CEMIP: variants seen among roughly 807,000 people sequenced by gnomAD.
CEMIP encodes the protein cell migration inducing hyaluronidase 1.
Under a neutral mutation model 156.9 loss-of-function variants are expected in CEMIP, and 105 were observed. The observed-to-expected ratio is 0.67, with a 90% CI of 0.57 to 0.79. The LOEUF (loss-of-function observed/expected upper bound fraction) is 0.79, where lower values mean the gene tolerates loss of function less well. Ranked by LOEUF, CEMIP falls within the 30% of genes least tolerant of loss-of-function variation. The pLI is 0.00. For synonymous variants in CEMIP, 676 were observed against 668.4 expected, an observed-to-expected ratio of 1.01 and a Z score of -0.17; for missense variants, 1,457 against 1,769.4, an observed-to-expected ratio of 0.82 and a Z score of 3.17.
At chr15:80,812,151 T>C (rs1308711530) in intron 1 of CEMIP, among the ~76,000 whole-genome samples, 2 of 152,154 alleles carry the variant, frequency 1.3e-5, no homozygotes, top group African/African-American at 2.4e-5. Context: ...GTAGCTGGGA[T>C]TACAGGCGCA....
rs139465017 is a variant in CEMIP, at chr15:80,822,934, C to T, written c.-176+43320C>T. On this transcript the variant is annotated intron_variant, in intron 1 of 29. Transcript: ENST00000394685. ...GAGCCAAATTTGAGAAACAGTCAAA[C>T]GAAGTGAGAACATGGGGCTGGGAGT... 1.7e-3 allele frequency among the ~76,000 whole-genome samples: 261 copies of T among 152,198 alleles called. 1 individual carries two copies. Among genetic ancestry groups the T allele is most frequent in the Non-Finnish European group, 3.1e-3 (209 of 68,022 alleles).
rs1483993112 is a variant in CEMIP, at chr15:80,947,049, G to C, written c.3942G>C (p.Arg1314Ser). The C allele has an allele frequency of 1.2e-6, 2 of 1,613,274 alleles. No homozygotes were observed. The highest frequency in any genetic ancestry group is 1.7e-5 in the Admixed American group (1 of 60,028). ...TRVLEKLGAD[R>S]GLKLKEQMAF... ...TGCTGGAAAAGCTTGGGGCAGACAG[G>C]GGTCTCAAGTTGAAAGGTAAGGGTT... is the stretch of plus-strand genomic sequence containing the variant. The change falls in exon 29 of 30, where the codon AGG (arginine) becomes AGC (serine). Residue 1314 changes from arginine (R) to serine (S), a missense_variant. Arg to Ser is a moderately radical substitution (Grantham distance 110). Around this residue, in one of 5 missense-constraint regions of CEMIP, gnomAD observed 798 missense variants for 980.1 expected, o/e 0.81. Coordinates refer to ENST00000394685, the MANE Select transcript of CEMIP (RefSeq NM_001293298.2).
At chr15:80,850,935 T>C (rs185484694) in intron 1 of CEMIP, among the ~76,000 whole-genome samples, 7 of 152,220 alleles carry the variant, frequency 4.6e-5, no homozygotes. Flanking sequence ...AGGGCTCCAG[T>C]GCCAACAGGG....
intron 18 of CEMIP, among the ~76,000 whole-genome samples, chr15:80,925,296 C>T (rs1274542747): frequency 6.6e-6 from 1 of 152,204 alleles, no homozygotes; most frequent in African/African-American, 2.4e-5. Context: ...AGCTGGGTAT[C>T]TCCAGACTCT....
chr15:80,924,595 T>C, intron 17 of CEMIP, 26 bp from the exon 18 acceptor site: 1 of 1,604,616 alleles, frequency 6.2e-7, no homozygotes. Flanking sequence ...GAAACTAATG[T>C]GTCCCTGAAT....
chr15:80,919,939 G>A (rs1317739755), intron 14 of CEMIP, among the ~76,000 whole-genome samples, 155 bp from the exon 15 acceptor site: 1 of 152,060 alleles, frequency 6.6e-6, no homozygotes, highest in Non-Finnish European at 1.5e-5. Flanking sequence ...AGACTATTTA[G>A]TGTTTGTTGA....
At chr15:80,858,957 C>T (rs1398470257) in intron 1 of CEMIP, among the ~76,000 whole-genome samples, 3 of 152,210 alleles carry the variant, frequency 2.0e-5, no homozygotes, top group African/African-American at 4.8e-5. Context: ...TCCACATTCC[C>T]CTGTGCAAGC....
chr15:80,868,797 T>C (rs1034635158), intron 1 of CEMIP, among the ~76,000 whole-genome samples: 9 of 152,182 alleles, frequency 5.9e-5, no homozygotes, highest in Admixed American at 5.9e-4. Flanking sequence ...TTCGTCAATA[T>C]ATGAAAAGTG....
At chr15:80,904,765 G>A (rs1313687257) in intron 12 of CEMIP, among the ~76,000 whole-genome samples, 1 of 152,198 alleles carries the variant, frequency 6.6e-6, no homozygotes. Context: ...TGAGGAACCA[G>A]CCCTGTTGAC....
chr15:80,831,391 C>T (rs978252502), intron 1 of CEMIP, among the ~76,000 whole-genome samples: 3 of 152,050 alleles, frequency 2.0e-5, no homozygotes, highest in African/African-American at 7.3e-5. Flanking sequence ...AAGCAGAGCT[C>T]GATGGGCTCA....
intron 1 of CEMIP, among the ~76,000 whole-genome samples, chr15:80,788,807 C>G (rs1298328280): frequency 6.6e-6 from 1 of 152,142 alleles, no homozygotes; most frequent in East Asian, 1.9e-4. Context: ...CTCTTCCGCT[C>G]CAACTGGTGC....
intron 1 of CEMIP, among the ~76,000 whole-genome samples, chr15:80,823,390 T>A (rs188814292): frequency 6.6e-6 from 1 of 152,198 alleles, no homozygotes; most frequent in African/African-American, 2.4e-5. Context: ...GTGAGAGGAA[T>A]CTGCCCTGGC....
intron 1 of CEMIP, among the ~76,000 whole-genome samples, chr15:80,850,003 G>A (rs768004480): frequency 5.9e-5 from 9 of 152,200 alleles, no homozygotes; most frequent in African/African-American, 2.2e-4. Flanking sequence ...GGGAGAGGGC[G>A]GCACCGCAAG....
intron 1 of CEMIP, among the ~76,000 whole-genome samples, chr15:80,780,724 C>A (rs1390797680): frequency 6.6e-6 from 1 of 152,206 alleles, no homozygotes; most frequent in Non-Finnish European, 1.5e-5. Flanking sequence ...GGAAAGTGAT[C>A]CAGGGCGCGC....
rs142807800 is a variant in CEMIP at position 80,896,180 on chromosome 15, C to CA, written c.1411+128dup. ...CTATGGCTGTAATAATGCTGCATAA[C>CA]AAAAAAAATCTTAAAACTTCATGAC... On this transcript the variant is annotated intron_variant, in intron 12 of 29. Coordinates refer to ENST00000394685, the MANE Select transcript of CEMIP (RefSeq NM_001293298.2). 4.3e-3 allele frequency: 4,356 copies of CA among 1,017,844 alleles called. 129 individuals carry two copies. The African/African-American group carries it at 0.059, about 14-fold the overall frequency. 63.1% of individuals were successfully genotyped at this position (1,017,844 alleles called of 1,614,324 possible).
At chr15:80,823,281 C>T (rs1363407636) in intron 1 of CEMIP, among the ~76,000 whole-genome samples, 1 of 152,156 alleles carries the variant, frequency 6.6e-6, no homozygotes, top group Non-Finnish European at 1.5e-5. Flanking sequence ...CAAGTCGTTC[C>T]GTTGATGGCA....
chr15:80,896,137 C>T lies in CEMIP; in HGVS notation c.1411+77C>T, dbSNP rs1899215776. The T allele has an allele frequency of 2.3e-5, 33 of 1,414,046 alleles. No individual in the cohort carries two copies. In the South Asian group the frequency reaches 3.8e-4, roughly 16 times the overall value. The allele number at this position is 1,414,046 out of a possible 1,614,324, so 87.6% of individuals were successfully genotyped here. A position where few individuals can be genotyped will look rare whatever the true frequency, so the allele number is the denominator to read the frequency against. On this transcript the variant is annotated intron_variant, in intron 12 of 29. Coordinates refer to ENST00000394685, the MANE Select transcript of CEMIP (RefSeq NM_001293298.2). ...GGCTTAAAGTAAACTGAAGTTACAA[C>T]AAATCTGTATCAGTCAGCTATGGCT...
intron 1 of CEMIP, among the ~76,000 whole-genome samples, chr15:80,831,417 TCCC>T: frequency 6.6e-5 from 10 of 152,140 alleles, no homozygotes; most frequent in African/African-American, 2.4e-4. Flanking sequence ...CCACGGCACT[TCCC>T]AAGCCGCTGA....
chr15:80,836,238 T>C (rs1289782335), intron 1 of CEMIP, among the ~76,000 whole-genome samples: 2 of 152,216 alleles, frequency 1.3e-5, no homozygotes, highest in African/African-American at 4.8e-5. Flanking sequence ...GTGCTGAGCT[T>C]GGCTTGACCT....
Sources: gnomAD v4.1 joint callset for allele counts (sites outside exome capture counted in the v4.1 genomes callset) on GRCh38, gnomAD v4.1.1 for gene constraint, gnomAD v4.1.1 regional missense constraint, MANE v1.5 for transcripts, NCBI Gene and HGNC (gene_info 2026-07-23, HGNC 2026-07-21) for gene names.